Variants in MAPK8 observed in about 807,000 individuals in gnomAD.
MAPK8 encodes JUN N-terminal kinase.
A neutral mutation model predicts 52.9 loss-of-function variants in MAPK8; 13 were observed. That is an observed-to-expected ratio of 0.25 (90% CI 0.16 to 0.39). The LOEUF is 0.39. Ranked by LOEUF, MAPK8 falls within the 10% of genes least tolerant of loss-of-function variation. MAPK8 has a pLI of 1.00. For missense variants in MAPK8, 300 were observed against 519.2 expected, an observed-to-expected ratio of 0.58 and a Z score of 4.10; for synonymous variants, 191 against 169.8, an observed-to-expected ratio of 1.12 and a Z score of -0.97.
intron 1 of MAPK8, among the ~76,000 whole-genome samples, chr10:48,381,732 ATAAT>A (rs1416627294): frequency 2.0e-5 from 3 of 152,228 alleles, no homozygotes; most frequent in South Asian, 2.1e-4. Context: ...AACATATCTA[ATAAT>A]TAATGTTTTT....
intron 1 of MAPK8, among the ~76,000 whole-genome samples, chr10:48,374,258 A>AT (rs771270623): frequency 1.3e-5 from 2 of 152,172 alleles, no homozygotes; most frequent in African/African-American, 2.4e-5. Context: ...CTAGAGGAAA[A>AT]TTTATAGCAC....
intron 3 of MAPK8, among the ~76,000 whole-genome samples, chr10:48,405,837 G>A (rs1564592689): frequency 6.6e-6 from 1 of 152,178 alleles, no homozygotes; most frequent in East Asian, 1.9e-4. Context: ...CACATTTTGA[G>A]ATCTAAATAT....
chr10:48,335,870 T>G (rs2132290201), intron 1 of MAPK8, among the ~76,000 whole-genome samples: 1 of 152,296 alleles, frequency 6.6e-6, no homozygotes, highest in African/African-American at 2.4e-5. Context: ...ATTAATAAAT[T>G]TTTCATATTC....
chr10:48,351,749 A>T (rs1283704476), intron 1 of MAPK8, among the ~76,000 whole-genome samples: 1 of 152,160 alleles, frequency 6.6e-6, no homozygotes, highest in Non-Finnish European at 1.5e-5. Flanking sequence ...AAAATAAGAG[A>T]TACAGGTTGA....
At chr10:48,390,281 A>T (rs2041549832) in intron 1 of MAPK8, among the ~76,000 whole-genome samples, 2 of 152,200 alleles carry the variant, frequency 1.3e-5, no homozygotes, top group Admixed American at 1.3e-4. Context: ...ATAAATGTTA[A>T]AATTATCCAA....
intron 1 of MAPK8, among the ~76,000 whole-genome samples, chr10:48,358,462 G>A (rs1316843157): frequency 6.6e-6 from 1 of 152,146 alleles, no homozygotes; most frequent in East Asian, 1.9e-4. Flanking sequence ...TTTTGGGTTT[G>A]TCTTTTTTGT....
chr10:48,358,988 ACTG>A (rs1847272247), intron 1 of MAPK8, among the ~76,000 whole-genome samples: 1 of 152,040 alleles, frequency 6.6e-6, no homozygotes, highest in Non-Finnish European at 1.5e-5. Flanking sequence ...CCAGTACCAT[ACTG>A]TTTTTATTAC....
chr10:48,398,623 C>A (rs994210807), intron 1 of MAPK8, among the ~76,000 whole-genome samples: 1 of 152,180 alleles, frequency 6.6e-6, no homozygotes, highest in Non-Finnish European at 1.5e-5. Flanking sequence ...TTCATACCAG[C>A]ATCATTTATA....
chr10:48,400,222 A>G (rs1403270672), intron 1 of MAPK8, among the ~76,000 whole-genome samples: 1 of 152,174 alleles, frequency 6.6e-6, no homozygotes, highest in African/African-American at 2.4e-5. Context: ...TTGTCATTTC[A>G]GACAGTCTTC....
intron 1 of MAPK8, among the ~76,000 whole-genome samples, chr10:48,376,120 A>G (rs1374227736): frequency 2.0e-5 from 3 of 152,164 alleles, no homozygotes; most frequent in Non-Finnish European, 4.4e-5. Context: ...ACAAACCTAC[A>G]AAAACAAGCA....
At position 48,420,287 on chromosome 10, in the gene MAPK8, G is replaced by A; in HGVS notation, c.583G>A (p.Glu195Lys). 6.2e-7 allele frequency: 1 copy of A among 1,612,686 alleles called. No homozygotes were observed. Among genetic ancestry groups the A allele is most frequent in the Non-Finnish European group, 8.5e-7 (1 of 1,179,110 alleles). Residue 195 changes from glutamate to lysine, a missense_variant, in exon 6 of 12, where the codon GAG becomes AAG. Glu to Lys is a moderately conservative substitution (Grantham distance 56, BLOSUM62 1). Coordinates refer to ENST00000374189, the MANE Select transcript of MAPK8 (RefSeq NM_001323329.2). ...YVVTRYYRAP[E>K]VILGMGYKEN... ...AGTGACTCGCTACTACAGAGCACCC[G>A]AGGTCATCCTTGGCATGGGCTACAA...
intron 1 of MAPK8, among the ~76,000 whole-genome samples, chr10:48,358,650 T>C (rs1847214692): frequency 6.6e-6 from 1 of 152,214 alleles, no homozygotes; most frequent in Non-Finnish European, 1.5e-5. Context: ...TTTTGTTGCT[T>C]GTGCCTTTGA....
intron 1 of MAPK8, among the ~76,000 whole-genome samples, chr10:48,389,073 T>C (rs993935635): frequency 6.6e-6 from 1 of 152,168 alleles, no homozygotes; most frequent in African/African-American, 2.4e-5. Context: ...AAGTCTGTTG[T>C]TGGAATAGGC....
At chr10:48,398,853 G>C (rs2042017317) in intron 1 of MAPK8, among the ~76,000 whole-genome samples, 1 of 152,158 alleles carries the variant, frequency 6.6e-6, no homozygotes. Context: ...GGGGGGCAAG[G>C]GGTAGAGAGT....
chr10:48,381,427 A>G (rs760437727), intron 1 of MAPK8, among the ~76,000 whole-genome samples: 3 of 149,176 alleles, frequency 2.0e-5, no homozygotes, highest in Admixed American at 7.1e-5. Flanking sequence ...CTTTGCATAC[A>G]AGAGTGTTTC....
At chr10:48,364,339 GAGT>G (rs1286573244) in intron 1 of MAPK8, among the ~76,000 whole-genome samples, 3 of 151,858 alleles carry the variant, frequency 2.0e-5, no homozygotes, top group African/African-American at 7.3e-5. Context: ...GCCAAATAAT[GAGT>G]ATAATGAAAT....
chr10:48,428,947 C>A (rs566379590), intron 10 of MAPK8, among the ~76,000 whole-genome samples: 1 of 151,434 alleles, frequency 6.6e-6, no homozygotes, highest in East Asian at 1.9e-4. Context: ...TCAGCCTCCC[C>A]CGTAGCTGGG....
chr10:48,306,925 C>A (rs988199670), intron 1 of MAPK8, 104 bp downstream of exon 1: 1 of 152,348 alleles, frequency 6.6e-6, no homozygotes, highest in African/African-American at 2.4e-5. Context: ...GCCGTAACCC[C>A]CTCCTGGGAG....
In MAPK8 at chr10:48,434,957, A is replaced by G. The variant is rs753537417; in HGVS notation, c.1212A>G (p.Thr404=). The G allele has an allele frequency of 1.2e-6, 2 of 1,604,020 alleles. No individual in the cohort carries two copies. The highest frequency in any genetic ancestry group is 2.3e-5 in the East Asian group (1 of 44,012). The change falls in exon 12 of 12, where the codon ACA becomes ACG. Residue 404 remains threonine (T), a synonymous_variant. Transcript: ENST00000374189. ...SSVNDVSSMS[T]DPTLASDTDS... is the part of the protein sequence containing the mutation. ...TCAATGATGTGTCTTCAATGTCAAC[A>G]GATCCGACTTTGGCCTCTGATACAG...
Sources: gnomAD v4.1 joint callset for allele counts (sites outside exome capture counted in the v4.1 genomes callset) on GRCh38, gnomAD v4.1.1 for gene constraint, MANE v1.5 for transcripts, NCBI Gene and HGNC (gene_info 2026-07-23, HGNC 2026-07-21) for gene names.